Variants in FGF19 observed in about 807,000 individuals in gnomAD.
FGF19 encodes the protein FGF-19.
FGF19 carries 5 observed loss-of-function variants against 8.9 expected under a neutral mutation model. That is an observed-to-expected ratio of 0.56 (90% CI 0.29 to 1.18). The LOEUF is 1.18. Among genes scored for constraint, FGF19 ranks in the 50% most tolerant of loss-of-function variants. The pLI, the probability that FGF19 is intolerant of heterozygous loss-of-function variation, is 0.08. For synonymous variants in FGF19, 124 were observed against 128.0 expected (o/e 0.97, Z 0.21); for missense variants, 237 against 293.9 (o/e 0.81, Z 1.42).
At chr11:69,701,606 CA>C (rs35300469) in intron 2 of FGF19, among the ~76,000 whole-genome samples, 110 of 59,882 alleles carry the variant, frequency 1.8e-3, no homozygotes, top group South Asian at 0.01. Context: ...GACTCCGTCT[CA>C]AAAAAAAAAA....
Position 69,699,834 on chromosome 11 carries a change from C to T in FGF19, c.337-258G>A, listed in dbSNP as rs193249161. ...GGCACAGTAGGTCACACCTGTAGTC[C>T]CAGCACTTTGGGAGGCCCAGAGCAG... On this transcript the variant is annotated intron_variant, in intron 2 of 2. Coordinates refer to ENST00000294312, the MANE Select transcript of FGF19 (RefSeq NM_005117.3). Among the ~76,000 whole-genome samples the T allele has an allele frequency of 8.5e-5, 13 of 152,112 alleles. No homozygotes were observed. The East Asian group carries it at 2.3e-3, about 27-fold the overall frequency.
In FGF19 at chr11:69,699,292, C is replaced by T. The variant is rs1854740787; in HGVS notation, c.621G>A (p.Glu207=). The change falls in exon 3 of 3, where the codon GAG becomes GAA. Residue 207 remains glutamate, a synonymous_variant. Transcript: ENST00000294312. ...TCTCAAAGCTGGGACTCCTCACGGC[C>T]TCCAGTCCGGTGACAAGCCCAAATG... ...MDPFGLVTGL[E]AVRSPSFEK 1.2e-6 allele frequency: 2 copies of T among 1,613,532 alleles called. No homozygotes were observed. The highest frequency in any genetic ancestry group is 1.3e-5 in the African/African-American group (1 of 74,916).
rs1037647582 is a variant in FGF19 at position 69,703,775 on chromosome 11, C to T, written c.102G>A (p.Val34=). The change falls in exon 1 of 3, where the codon GTG becomes GTA. Residue 34 remains valine, a synonymous_variant. Transcript: ENST00000294312. The surrounding 1 kb of genome is among the most constrained non-coding windows in gnomAD (Gnocchi z 6.8). ...PLAFSDAGPH[V]HYGWGDPIRL... ...GGATGGGGTCGCCCCAGCCGTAGTG[C>T]ACGTGGGGCCCCGCGTCCGAGAAGG... 4.9e-6 allele frequency: 6 copies of T among 1,235,208 alleles called. No homozygotes were observed. The highest frequency in any genetic ancestry group is 4.2e-5 in the Admixed American group (1 of 23,696). The allele number at this position is 1,235,208 out of a possible 1,614,324, so 76.5% of individuals were successfully genotyped here. A position where few individuals can be genotyped will look rare whatever the true frequency, so the allele number is the denominator to read the frequency against.
rs750468710 is a variant in FGF19, at chr11:69,699,333, T to C, written c.580A>G (p.Thr194Ala). The C allele has an allele frequency of 3.1e-6, 5 of 1,614,002 alleles. No individual in the cohort carries two copies. In the African/African-American group the frequency reaches 4.0e-5, roughly 13 times the overall value. Reference protein sequence around the residue: ...ESDMFSSPLETDSMDPFGLVT... With the variant: ...ESDMFSSPLEADSMDPFGLVT... The stretch of plus-strand genomic sequence containing the variant: ...AGCCCAAATGGGTCCATGCTGTCGG[T>C]CTCCAGGGGCGAAGAGAACATGTCA... The change falls in exon 3 of 3, where the codon ACC becomes GCC. Residue 194 changes from threonine to alanine, a missense_variant. By Grantham distance (58) the Thr-to-Ala change is moderately conservative (BLOSUM62 0). Coordinates refer to ENST00000294312, the MANE Select transcript of FGF19 (RefSeq NM_005117.3).
At position 69,703,637 on chromosome 11, in the gene FGF19, G is replaced by C; in HGVS notation, c.232+8C>G. 8.2e-7 allele frequency: 1 copy of C among 1,214,554 alleles called. No individual in the cohort carries two copies. Among genetic ancestry groups the C allele is most frequent in the Non-Finnish European group, 1.0e-6 (1 of 972,262 alleles). 75.2% of individuals were successfully genotyped at this position (1,214,554 alleles called of 1,614,324 possible). A position where few individuals can be genotyped will look rare whatever the true frequency, so the allele number is the denominator to read the frequency against. On this transcript the variant is annotated splice_region_variant and intron_variant, in intron 1 of 2. Coordinates refer to ENST00000294312, the MANE Select transcript of FGF19 (RefSeq NM_005117.3). The surrounding 1 kb of genome is among the most constrained non-coding windows in gnomAD (Gnocchi z 6.8). ...GCGGGGCGGGCGGGGGTGCTGGCGGGCACTCACTGTGCGCGCTCTGGCCCC... is the reference window on the plus strand; with the variant it reads ...GCGGGGCGGGCGGGGGTGCTGGCGGCCACTCACTGTGCGCGCTCTGGCCCC...
rs143213326 is a variant in FGF19, at chr11:69,699,473, C to G, written c.440G>C (p.Ser147Thr). The G allele has an allele frequency of 6.7e-4, 1,075 of 1,614,198 alleles. 3 individuals are homozygous for G. The African/African-American group carries it at 0.012, about 18-fold the overall frequency. Residue 147 changes from serine (S) to threonine (T), a missense_variant, in exon 3 of 3, where the codon AGT becomes ACT. Physicochemically the swap from Ser to Thr is moderately conservative, Grantham distance 58. Transcript: ENST00000294312. ...EKHRLPVSLS[S>T]AKQRQLYKNR... The stretch of plus-strand genomic sequence containing the variant: ...CTTGTACAGCTGCCGCTGTTTGGCA[C>G]TGCTCAGGGAGACCGGGAGGCGGTG...
chr11:69,699,201 C>T lies in FGF19; in HGVS notation c.*61G>A, dbSNP rs185560971. The T allele has an allele frequency of 5.0e-4, 619 of 1,230,754 alleles. 2 individuals carry two copies. The African/African-American group carries it at 8.0e-3, about 16-fold the overall frequency. The allele number at this position is 1,230,754 out of a possible 1,614,324, so 76.2% of individuals were successfully genotyped here. On this transcript the variant is annotated 3_prime_UTR_variant, in exon 3 of 3. Transcript: ENST00000294312. The stretch of plus-strand genomic sequence containing the variant: ...CAGGACTGTTCTTGTAGAAGCACGT[C>T]CCCCACGCTGCAGGTACCACAGCCC...
chr11:69,701,691 G>A (rs1023933719), intron 2 of FGF19, among the ~76,000 whole-genome samples: 2 of 151,454 alleles, frequency 1.3e-5, no homozygotes, highest in African/African-American at 4.9e-5. Context: ...GGCTGGGCGC[G>A]GTGGCTCACA....
chr11:69,699,274 G>A lies in FGF19; in HGVS notation c.639C>T (p.Ser213=). The part of the protein sequence containing the change: ...VTGLEAVRSP[S]FEK ...GGCATGGTCTCAGTTACTTCTCAAAGCTGGGACTCCTCACGGCCTCCAGTC... is the reference window on the plus strand; with the variant it reads ...GGCATGGTCTCAGTTACTTCTCAAAACTGGGACTCCTCACGGCCTCCAGTC... The change falls in exon 3 of 3, where the codon AGC becomes AGT. Residue 213 remains serine, a synonymous_variant. Transcript: ENST00000294312. 4.3e-6 allele frequency: 7 copies of A among 1,610,406 alleles called. No homozygotes were observed. Among genetic ancestry groups the A allele is most frequent in the Non-Finnish European group, 5.9e-6 (7 of 1,177,752 alleles).
Position 69,702,431 on chromosome 11 carries a change from TGTGAGGCCTGCGCGG to T in FGF19, c.336+815_336+829del, listed in dbSNP as rs1000225393. Among the ~76,000 whole-genome samples the T allele has an allele frequency of 2.0e-5, 3 of 152,166 alleles. No individual in the cohort carries two copies. The highest frequency in any genetic ancestry group is 1.9e-4 in the East Asian group (1 of 5,144). ...CTCCGCCAGGGAGTCCGGGGCTGCG[TGTGAGGCCTGCGCGG>T]GCCGAGACCTCACACAGCCTCCTCT... On this transcript the variant is annotated intron_variant, in intron 2 of 2. Coordinates refer to ENST00000294312, the MANE Select transcript of FGF19 (RefSeq NM_005117.3). This position sits in a 1 kb window ranked among gnomAD's most constrained non-coding sequence, Gnocchi z 4.6.
At chr11:69,699,925 A>G (rs1425460348) in intron 2 of FGF19, among the ~76,000 whole-genome samples, 1 of 152,142 alleles carries the variant, frequency 6.6e-6, no homozygotes, top group Non-Finnish European at 1.5e-5. Context: ...CATCTTGACA[A>G]AAAGTACAAA....
Position 69,699,270 on chromosome 11 carries a change from C to A in FGF19, c.643G>T (p.Glu215Ter). The A allele has an allele frequency of 1.2e-6, 2 of 1,608,568 alleles. No individual in the cohort carries two copies. Among genetic ancestry groups the A allele is most frequent in the South Asian group, 2.2e-5 (2 of 90,342 alleles). The change falls in exon 3 of 3, where the codon GAG becomes TAG. Residue 215 changes from glutamate to a stop codon, truncating the protein, a stop_gained. Coordinates refer to ENST00000294312, the MANE Select transcript of FGF19 (RefSeq NM_005117.3). LOFTEE classifies it high-confidence loss of function. ...GLEAVRSPSF[E>*]K ...CCCGGGCATGGTCTCAGTTACTTCT[C>A]AAAGCTGGGACTCCTCACGGCCTCC...
rs1395421368 is a variant in FGF19 at position 69,703,965 on chromosome 11, G to GCGCTGCGGACCAT, written c.-90_-89insATGGTCCGCAGCG. ...CGGGATGCGCTGCGGGGCTGTGAGT[G>GCGCTGCGGACCAT]CCGGGTTGGGATGGTCGTGGCCCTA... On this transcript the variant is annotated 5_prime_UTR_variant, in exon 1 of 3. It adds an upstream start codon to the 5' untranslated region. Transcript: ENST00000294312. This position sits in a 1 kb window ranked among gnomAD's most constrained non-coding sequence, Gnocchi z 6.8. The GCGCTGCGGACCAT allele has an allele frequency of 1.3e-6, 1 of 783,690 alleles. No individual in the cohort carries two copies. Among genetic ancestry groups the GCGCTGCGGACCAT allele is most frequent in the African/African-American group, 1.8e-5 (1 of 55,704 alleles). The allele number at this position is 783,690 out of a possible 1,614,324, so 48.5% of individuals were successfully genotyped here. A position where few individuals can be genotyped will look rare whatever the true frequency, so the allele number is the denominator to read the frequency against.
rs1216249799 is a variant in FGF19 at position 69,699,521 on chromosome 11, T to C, written c.392A>G (p.Tyr131Cys). ...AFEEEIRPDG[Y>C]NVYRSEKHRL... ...GTGCTTCTCGGATCGGTACACATTG[T>C]AGCCATCTGGGCGGATCTCCTCCTC... The change falls in exon 3 of 3, where the codon TAC becomes TGC. Residue 131 changes from tyrosine to cysteine, a missense_variant. Tyr to Cys is a radical substitution (Grantham distance 194). Transcript: ENST00000294312. The C allele has an allele frequency of 6.2e-7, 1 of 1,614,152 alleles. No homozygotes were observed. The highest frequency in any genetic ancestry group is 8.5e-7 in the Non-Finnish European group (1 of 1,180,004).
Position 69,703,716 on chromosome 11 carries a change from C to T in FGF19, c.161G>A (p.Gly54Glu). The T allele has an allele frequency of 1.6e-6, 2 of 1,233,604 alleles. No homozygotes were observed. Among genetic ancestry groups the T allele is most frequent in the Non-Finnish European group, 1.0e-6 (1 of 988,806 alleles). 76.4% of individuals were successfully genotyped at this position (1,233,604 alleles called of 1,614,324 possible). ...GATGCGCAGGAAGCAGCTGGAGAGC[C>T]CGTGGGGGCCGGAGGTGTACAGGTG... ...LRHLYTSGPH[G>E]LSSCFLRIRA... The change falls in exon 1 of 3, where the codon GGG (glycine) becomes GAG (glutamate). Residue 54 changes from glycine (G) to glutamate (E), a missense_variant. By Grantham distance (98) the Gly-to-Glu change is moderately conservative. Coordinates refer to ENST00000294312, the MANE Select transcript of FGF19 (RefSeq NM_005117.3). The surrounding 1 kb of genome is among the most constrained non-coding windows in gnomAD (Gnocchi z 6.8).
chr11:69,700,773 C>CAGGCA (rs1160042911), intron 2 of FGF19, among the ~76,000 whole-genome samples: 1 of 151,914 alleles, frequency 6.6e-6, no homozygotes, highest in Non-Finnish European at 1.5e-5. Context: ...TCCCCCAGGC[C>CAGGCA]AGGCCAGGCC....
In FGF19 at chr11:69,698,379, T is replaced by C. The variant is rs1349969137; in HGVS notation, c.*883A>G. 1.1e-5 allele frequency: 2 copies of C among 186,866 alleles called. No individual in the cohort carries two copies. The highest frequency in any genetic ancestry group is 2.3e-5 in the African/African-American group (1 of 42,738). The allele number at this position is 186,866 out of a possible 1,614,324, so 11.6% of individuals were successfully genotyped here. On this transcript the variant is annotated 3_prime_UTR_variant, in exon 3 of 3. Transcript: ENST00000294312. Reference sequence around the variant, plus strand: ...ATAAATATCATGTTGGAAAACCAAGTGCTGGGGAAAGGGTTCTAGGTCTTC... The same window carrying C: ...ATAAATATCATGTTGGAAAACCAAGCGCTGGGGAAAGGGTTCTAGGTCTTC...
chr11:69,702,961 G>A lies in FGF19; in HGVS notation c.336+300C>T, dbSNP rs1480970095. On this transcript the variant is annotated intron_variant, in intron 2 of 2. Coordinates refer to ENST00000294312, the MANE Select transcript of FGF19 (RefSeq NM_005117.3). The surrounding 1 kb of genome is among the most constrained non-coding windows in gnomAD (Gnocchi z 4.6). ...GTGGGTTTTCCTGTTTAATATCAAAGGAGGCCGAATAATGGGTTTCCTCGG... is the reference window on the plus strand; with the variant it reads ...GTGGGTTTTCCTGTTTAATATCAAAAGAGGCCGAATAATGGGTTTCCTCGG... Among the ~76,000 whole-genome samples the A allele has an allele frequency of 1.3e-5, 2 of 152,194 alleles. No homozygotes were observed. The highest frequency in any genetic ancestry group is 2.4e-5 in the African/African-American group (1 of 41,470).
rs1854736611 is a variant in FGF19, at chr11:69,698,951, T to C, written c.*311A>G. 3.3e-6 allele frequency: 1 copy of C among 300,422 alleles called. No homozygotes were observed. Among genetic ancestry groups the C allele is most frequent in the Admixed American group, 4.6e-5 (1 of 21,880 alleles). 18.6% of individuals were successfully genotyped at this position (300,422 alleles called of 1,614,324 possible). A position where few individuals can be genotyped will look rare whatever the true frequency, so the allele number is the denominator to read the frequency against. Reference sequence around the variant, plus strand: ...TAAGAATTTTTCCAAAGGAAGTGAGTTCCCCATCGATGGAGGTATTCAAGC... The same window carrying C: ...TAAGAATTTTTCCAAAGGAAGTGAGCTCCCCATCGATGGAGGTATTCAAGC... On this transcript the variant is annotated 3_prime_UTR_variant, in exon 3 of 3. Coordinates refer to ENST00000294312, the MANE Select transcript of FGF19 (RefSeq NM_005117.3).
Sources: gnomAD v4.1 joint callset for allele counts (sites outside exome capture counted in the v4.1 genomes callset) on GRCh38, gnomAD v4.1.1 for gene constraint, Gnocchi (gnomAD v3.1) non-coding constraint, MANE v1.5 for transcripts, NCBI Gene and HGNC (gene_info 2026-07-23, HGNC 2026-07-21) for gene names.